NCALD: variants seen among roughly 807,000 people sequenced by gnomAD.
NCALD encodes the protein neurocalcin-delta.
Under a neutral mutation model 18.6 loss-of-function variants are expected in NCALD, and 10 were observed. The ratio of observed to expected loss-of-function variants is 0.54; its 90% CI spans 0.33 to 0.91. The LOEUF (loss-of-function observed/expected upper bound fraction) is 0.91. NCALD is among the 40% of genes least tolerant of loss of function. The pLI is 0.03. For synonymous variants in NCALD, 88 were observed against 87.4 expected (o/e 1.01, Z -0.04); for missense variants, 184 against 247.6 (o/e 0.74, Z 1.72).
intron 1 of NCALD, among the ~76,000 whole-genome samples, chr8:102,083,230 A>C (rs16869064): frequency 0.026 from 3,974 of 152,308 alleles, 133 homozygotes; most frequent in East Asian, 0.13. Flanking sequence ...TAAATCTACA[A>C]ACTCAAGCCA....
upstream of NCALD, among the ~76,000 whole-genome samples, chr8:101,795,840 T>C (rs1328434351): frequency 6.6e-6 from 1 of 152,162 alleles, no homozygotes; most frequent in Non-Finnish European, 1.5e-5. Flanking sequence ...ACTAAGATTG[T>C]AGACAGAGAG....
At chr8:102,068,805 A>G (rs1196063996) in intron 1 of NCALD, among the ~76,000 whole-genome samples, 3 of 152,226 alleles carry the variant, frequency 2.0e-5, no homozygotes, top group African/African-American at 7.2e-5. Context: ...ACAACAGGAT[A>G]CTTAATATGT....
chr8:101,898,003 C>T (rs1817271677), intron 3 of NCALD, among the ~76,000 whole-genome samples: 1 of 151,924 alleles, frequency 6.6e-6, no homozygotes, highest in Admixed American at 6.6e-5. Flanking sequence ...CAGGGGCTTC[C>T]CCCTTTGCTG....
At position 101,921,337 on chromosome 8, in the gene NCALD, A is replaced by C. The variant is rs139006627; in HGVS notation, c.-156-5479T>G. Among the ~76,000 whole-genome samples, 311 of 152,108 alleles carry C rather than the reference A, an allele frequency of 2.0e-3. 1 individual carries two copies. The highest frequency in any genetic ancestry group is 7.2e-3 in the African/African-American group (299 of 41,570). On this transcript the variant is annotated intron_variant, in intron 2 of 6. Transcript: ENST00000311028. ...CACTTTTATTAGGAATAAAATATCAATAAATATGCAATTGTTTGGATTTCT... is the reference window on the plus strand; with the variant it reads ...CACTTTTATTAGGAATAAAATATCACTAAATATGCAATTGTTTGGATTTCT...
chr8:101,900,264 G>C (rs1357728405), intron 3 of NCALD, among the ~76,000 whole-genome samples: 1 of 151,736 alleles, frequency 6.6e-6, no homozygotes, highest in Non-Finnish European at 1.5e-5. Flanking sequence ...TGTCAGTGTT[G>C]CTGAAGGTTT....
intron 3 of NCALD, among the ~76,000 whole-genome samples, chr8:101,897,497 C>T (rs1379951473): frequency 1.3e-5 from 2 of 149,998 alleles, no homozygotes; most frequent in East Asian, 1.9e-4. Flanking sequence ...GCACATGTAC[C>T]CTAAAACTTA....
chr8:102,078,676 C>T (rs1646266792), intron 1 of NCALD, among the ~76,000 whole-genome samples: 1 of 152,222 alleles, frequency 6.6e-6, no homozygotes, highest in Non-Finnish European at 1.5e-5. Context: ...ATTGTCTTCC[C>T]CAGATCTTCG....
chr8:102,096,931 A>C (rs1236462594), intron 1 of NCALD, among the ~76,000 whole-genome samples: 1 of 152,200 alleles, frequency 6.6e-6, no homozygotes, highest in Non-Finnish European at 1.5e-5. Flanking sequence ...AGATGACCTC[A>C]TTTTACCGTA....
In NCALD at chr8:102,011,205, T is replaced by G. The variant is rs80296847; in HGVS notation, c.-157+9032A>C. Among the ~76,000 whole-genome samples the G allele has an allele frequency of 7.0e-3, 1,061 of 152,188 alleles. 21 individuals are homozygous for G. Among genetic ancestry groups the G allele is most frequent in the African/African-American group, 0.024 (988 of 41,498 alleles). On this transcript the variant is annotated intron_variant, in intron 2 of 6. Coordinates refer to the NCALD transcript ENST00000311028. ...CTCCAACTTTATGGTCAACCCCTACTCCCCCAACACAGACACAAATACACC... is the reference window on the plus strand; with the variant it reads ...CTCCAACTTTATGGTCAACCCCTACGCCCCCAACACAGACACAAATACACC...
chr8:101,772,644 A>T (rs1811631748), intron 1 of NCALD, among the ~76,000 whole-genome samples: 1 of 152,166 alleles, frequency 6.6e-6, no homozygotes, highest in Non-Finnish European at 1.5e-5. Flanking sequence ...GTGTTCTTTG[A>T]CCCAAGTCTG....
intron 1 of NCALD, among the ~76,000 whole-genome samples, chr8:102,039,771 G>A (rs1171172677): frequency 6.6e-6 from 1 of 152,076 alleles, no homozygotes; most frequent in African/African-American, 2.4e-5. Flanking sequence ...GGAGTGTTTG[G>A]AAAGGGGGTA....
intron 1 of NCALD, among the ~76,000 whole-genome samples, chr8:101,733,287 C>T (rs1816925434): frequency 6.6e-6 from 1 of 152,178 alleles, no homozygotes; most frequent in African/African-American, 2.4e-5. Flanking sequence ...TTCTTAACCT[C>T]TTGCATCTTT....
At chr8:102,018,152 T>G (rs998213467) in intron 2 of NCALD, among the ~76,000 whole-genome samples, 1 of 152,186 alleles carries the variant, frequency 6.6e-6, no homozygotes, top group Non-Finnish European at 1.5e-5. Flanking sequence ...AATGGCACAG[T>G]CATTTTGGAA....
chr8:101,957,799 C>T (rs1408706937), intron 2 of NCALD, among the ~76,000 whole-genome samples: 1 of 152,132 alleles, frequency 6.6e-6, no homozygotes, highest in Non-Finnish European at 1.5e-5. Flanking sequence ...TAATGCAGAT[C>T]TCCTAAGAAA....
intron 1 of NCALD, among the ~76,000 whole-genome samples, chr8:102,073,913 C>T (rs1001245902): frequency 2.0e-5 from 3 of 152,204 alleles, no homozygotes; most frequent in African/African-American, 7.2e-5. Flanking sequence ...CAGAGTTGCA[C>T]TAGATGTTTT....
intron 1 of NCALD, among the ~76,000 whole-genome samples, chr8:102,078,011 T>G (rs1166983643): frequency 6.6e-6 from 1 of 152,178 alleles, no homozygotes; most frequent in African/African-American, 2.4e-5. Flanking sequence ...CTTGACAGAT[T>G]CATTTGGAGA....
intron 1 of NCALD, among the ~76,000 whole-genome samples, chr8:101,748,002 A>C (rs1159516828): frequency 1.3e-5 from 2 of 152,094 alleles, no homozygotes; most frequent in Non-Finnish European, 2.9e-5. Flanking sequence ...ACAGGCATGA[A>C]CCACCGCACC....
intron 1 of NCALD, among the ~76,000 whole-genome samples, chr8:101,766,549 T>A (rs1319532775): frequency 6.6e-6 from 1 of 152,168 alleles, no homozygotes; most frequent in Non-Finnish European, 1.5e-5. Context: ...AAAGGGACCA[T>A]AACTTTCATC....
intron 1 of NCALD, among the ~76,000 whole-genome samples, chr8:102,107,471 A>G (rs1483029757): frequency 2.0e-5 from 3 of 152,050 alleles, no homozygotes; most frequent in Non-Finnish European, 2.9e-5. Context: ...CAAGGTATGA[A>G]CTTTTTAGTA....
Sources: allele counts gnomAD v4.1 joint callset (sites outside exome capture counted in the v4.1 genomes callset), GRCh38; gene constraint gnomAD v4.1.1; transcripts MANE v1.5; gene names NCBI Gene and HGNC (gene_info 2026-07-23, HGNC 2026-07-21).